The following CHRNA3 variants were observed in gnomAD, a reference collection of about 807,000 sequenced individuals.
The protein encoded by CHRNA3 is neuronal acetylcholine receptor subunit alpha-3.
In CHRNA3, 34 loss-of-function variants were observed where a neutral mutation model predicts 41.9. The observed-to-expected ratio is 0.81, with a 90% CI of 0.62 to 1.08. The LOEUF is 1.08. Ranked by LOEUF, CHRNA3 falls within the 50% of genes least tolerant of loss-of-function variation. The pLI is 0.00. For missense variants in CHRNA3, 542 were observed against 638.3 expected (o/e 0.85, Z 1.63); for synonymous variants, 281 against 265.2 (o/e 1.06, Z -0.58).
Position 78,601,511 on chromosome 15 carries a change from G to A in CHRNA3, c.1131C>T (p.Leu377=), listed in dbSNP as rs1161865855. ...QKPRPLYGAE[L]SNLNCFSRAE... is the part of the protein sequence containing the mutation. ...CGCGGCTGAAGCAATTCAGATTTGA[G>A]AGCTCGGCACCGTAGAGGGGCCTCG... The change falls in exon 5 of 6, where the codon CTC becomes CTT. Residue 377 remains leucine (L), a synonymous_variant. Transcript: ENST00000326828. The A allele has an allele frequency of 1.2e-6, 2 of 1,614,170 alleles. No individual in the cohort carries two copies.
chr15:78,609,219 TAC>T (rs2053344918), intron 4 of CHRNA3, among the ~76,000 whole-genome samples: 1 of 151,862 alleles, frequency 6.6e-6, no homozygotes. Flanking sequence ...ATTCAGGAAA[TAC>T]AGAGAATGCC....
intron 4 of CHRNA3, among the ~76,000 whole-genome samples, chr15:78,611,750 G>C (rs2053383030): frequency 6.6e-6 from 1 of 150,906 alleles, no homozygotes; most frequent in South Asian, 2.1e-4. Context: ...GAAATAAAGG[G>C]ATTCAATTAG....
At chr15:78,617,676 C>T (rs1226612774) in intron 3 of CHRNA3, among the ~76,000 whole-genome samples, 1 of 152,140 alleles carries the variant, frequency 6.6e-6, no homozygotes, top group Non-Finnish European at 1.5e-5. Flanking sequence ...GGTGAGGCTG[C>T]GGCCACAGAG....
chr15:78,618,623 G>A lies in CHRNA3; in HGVS notation c.261C>T (p.Leu87=), dbSNP rs138468332. 1 of 1,614,030 alleles carries A rather than the reference G, an allele frequency of 6.2e-7. No individual in the cohort carries two copies. The change falls in exon 3 of 6, where the codon CTC becomes CTT. Residue 87 remains leucine, a synonymous_variant. Coordinates refer to ENST00000326828, the MANE Select transcript of CHRNA3 (RefSeq NM_000743.5). Reference sequence around the variant, plus strand: ...CTAGGGTCTGGTCACTTACTTGCTTGAGCCACAGGTTGGTCTCCATGATCT... The same window carrying A: ...CTAGGGTCTGGTCACTTACTTGCTTAAGCCACAGGTTGGTCTCCATGATCT... The part of the protein sequence containing the change: ...VNQIMETNLW[L]KQIWNDYKLK...
intron 4 of CHRNA3, among the ~76,000 whole-genome samples, chr15:78,607,904 G>A (rs1425491845): frequency 2.0e-5 from 3 of 152,068 alleles, no homozygotes; most frequent in Admixed American, 2.0e-4. Flanking sequence ...TTAAAAAACG[G>A]CACACCAGGA....
chr15:78,608,751 GAGA>G (rs1396735135), intron 4 of CHRNA3, among the ~76,000 whole-genome samples: 1 of 152,220 alleles, frequency 6.6e-6, no homozygotes, highest in African/African-American at 2.4e-5. Flanking sequence ...GACAAGTTGA[GAGA>G]AGAAGGCTCC....
chr15:78,599,986 C>A, intron 5 of CHRNA3: 1 of 135,002 alleles, frequency 7.4e-6, no homozygotes, highest in African/African-American at 2.8e-5. Context: ...TACTGCACTC[C>A]ATTCTGGGTG....
Position 78,618,788 on chromosome 15 carries a change from C to A in CHRNA3, c.210G>T (p.Gln70His), listed in dbSNP as rs561519013. ...VIIHFEVSMS[Q>H]LVKVDEVNQI... Reference sequence around the variant, plus strand: ...TTCCAGCACTCACCACCTTCACCAGCTGAGACATGGACACCTCGAAATGGA... The same window carrying A: ...TTCCAGCACTCACCACCTTCACCAGATGAGACATGGACACCTCGAAATGGA... The change falls in exon 2 of 6, where the codon CAG becomes CAT. Residue 70 changes from glutamine to histidine, a missense_variant. By Grantham distance (24) the Gln-to-His change is conservative (BLOSUM62 0). Transcript: ENST00000326828. The A allele has an allele frequency of 6.2e-7, 1 of 1,614,128 alleles. No individual in the cohort carries two copies. The highest frequency in any genetic ancestry group is 1.3e-5 in the African/African-American group (1 of 75,058).
At chr15:78,615,933 G>T (rs766480366) in intron 4 of CHRNA3, among the ~76,000 whole-genome samples, 1 of 150,418 alleles carries the variant, frequency 6.6e-6, no homozygotes, top group Non-Finnish European at 1.5e-5. Context: ...GTAGAGATGG[G>T]GTTTTGGTAT....
intron 4 of CHRNA3, among the ~76,000 whole-genome samples, chr15:78,604,857 A>G (rs2053258647): frequency 6.6e-6 from 1 of 152,176 alleles, no homozygotes; most frequent in African/African-American, 2.4e-5. Context: ...TACTAAAAAT[A>G]CAAAAATTAG....
chr15:78,609,096 A>G (rs1283860396), intron 4 of CHRNA3, among the ~76,000 whole-genome samples: 1 of 152,200 alleles, frequency 6.6e-6, no homozygotes, highest in African/African-American at 2.4e-5. Flanking sequence ...CCAAATCTAC[A>G]TCTGATTGGT....
At position 78,605,269 on chromosome 15, in the gene CHRNA3, G is replaced by A. The variant is rs548726621; in HGVS notation, c.378-3005C>T. ...TCTCTAAATTTCTTCAGAAAAATAG[G>A]GCAACTAGGATGACAGCAAAATAAC... On this transcript the variant is annotated intron_variant, in intron 4 of 5. Coordinates refer to ENST00000326828, the MANE Select transcript of CHRNA3 (RefSeq NM_000743.5). 4.6e-4 allele frequency among the ~76,000 whole-genome samples: 70 copies of A among 152,132 alleles called. 3 individuals are homozygous for A. In the South Asian group the frequency reaches 0.013, roughly 29 times the overall value.
At chr15:78,618,410 G>A in intron 3 of CHRNA3, 1 of 593,152 alleles carries the variant, frequency 1.7e-6, no homozygotes, top group Non-Finnish European at 3.0e-6. Context: ...GACTTGAGGG[G>A]TTGGGCCCTA....
Position 78,602,073 on chromosome 15 carries a change from A to C in CHRNA3, c.569T>G (p.Val190Gly), listed in dbSNP as rs980156624. 1.8e-5 allele frequency: 29 copies of C among 1,614,164 alleles called. 1 individual carries two copies. The highest frequency in any genetic ancestry group is 2.5e-5 in the Non-Finnish European group (29 of 1,180,002). Residue 190 changes from valine to glycine, a missense_variant, in exon 5 of 6, where the codon GTC (valine) becomes GGC (glycine). Transcript: ENST00000326828. ...WSYDKAKIDLVLIGSSMNLKD... is the reference protein window; with the variant it reads ...WSYDKAKIDLGLIGSSMNLKD... ...GAGGTTCATGGAAGAGCCGATCAGG[A>C]CCAGATCGATTTTCGCCTTATCGTA...
chr15:78,618,642 A>C lies in CHRNA3; in HGVS notation c.242T>G (p.Met81Arg). ...LVKVDEVNQIMETNLWLKQIW... is the reference protein window; with the variant it reads ...LVKVDEVNQIRETNLWLKQIW... ...TTGCTTGAGCCACAGGTTGGTCTCC[A>C]TGATCTGGTTTACTTCATCCTAGAA... The change falls in exon 3 of 6, where the codon ATG (methionine) becomes AGG (arginine). Residue 81 changes from methionine to arginine, a missense_variant. Coordinates refer to ENST00000326828, the MANE Select transcript of CHRNA3 (RefSeq NM_000743.5). 1 of 1,614,156 alleles carries C rather than the reference A, an allele frequency of 6.2e-7. No homozygotes were observed. The highest frequency in any genetic ancestry group is 8.5e-7 in the Non-Finnish European group (1 of 1,180,026).
chr15:78,602,347 G>A, intron 4 of CHRNA3, 83 bp from the exon 5 acceptor site: 3 of 1,415,282 alleles, frequency 2.1e-6, no homozygotes, highest in Non-Finnish European at 2.9e-6. Context: ...GCTTCTCACA[G>A]TAAGTAATGA....
Position 78,618,757 on chromosome 15 carries a change from C to A in CHRNA3, c.222+19G>T. The A allele has an allele frequency of 6.2e-7, 1 of 1,614,070 alleles. No individual in the cohort carries two copies. The highest frequency in any genetic ancestry group is 8.5e-7 in the Non-Finnish European group (1 of 1,180,018). The stretch of plus-strand genomic sequence containing the variant: ...AGCCCCGGTCCCCATGGCCACGGCT[C>A]GTGGCTTCCAGCACTCACCACCTTC... On this transcript the variant is annotated intron_variant, in intron 2 of 5. Coordinates refer to ENST00000326828, the MANE Select transcript of CHRNA3 (RefSeq NM_000743.5).
At chr15:78,610,148 G>A (rs1489439588) in intron 4 of CHRNA3, among the ~76,000 whole-genome samples, 1 of 152,274 alleles carries the variant, frequency 6.6e-6, no homozygotes, top group South Asian at 2.1e-4. Flanking sequence ...ACACCCCACT[G>A]TCAACATTAG....
intron 4 of CHRNA3, among the ~76,000 whole-genome samples, chr15:78,606,914 AAAG>A (rs2053298062): frequency 1.3e-5 from 2 of 151,952 alleles, no homozygotes; most frequent in African/African-American, 2.4e-5. Context: ...AACACACAAA[AAAG>A]AAAACCAGAA....
Sources: allele counts gnomAD v4.1 joint callset (sites outside exome capture counted in the v4.1 genomes callset), GRCh38; gene constraint gnomAD v4.1.1; transcripts MANE v1.5; gene names NCBI Gene and HGNC (gene_info 2026-07-23, HGNC 2026-07-21).